TUBGCP4: variants seen among roughly 807,000 people sequenced by gnomAD.
The protein encoded by TUBGCP4 is tubulin gamma complex component 4, also known as gamma-tubulin complex component 4.
A neutral mutation model predicts 91.6 loss-of-function variants in TUBGCP4; 54 were observed. The observed-to-expected ratio is 0.59, with a 90% CI of 0.47 to 0.74. The LOEUF (loss-of-function observed/expected upper bound fraction) is 0.74. Among genes scored for constraint, TUBGCP4 ranks in the 30% least tolerant of loss-of-function variants. The pLI is 0.00. For synonymous variants in TUBGCP4, 297 were observed against 302.8 expected (o/e 0.98, Z 0.20); for missense variants, 593 against 800.9 (o/e 0.74, Z 3.13).
At chr15:43,371,703 T>A (rs1440534764) in intron 1 of TUBGCP4, among the ~76,000 whole-genome samples, 1 of 152,094 alleles carries the variant, frequency 6.6e-6, no homozygotes, top group African/African-American at 2.4e-5. Context: ...TGTCTGACAG[T>A]TGCTGGGGAA....
chr15:43,380,227 C>T (rs1595480463), intron 6 of TUBGCP4, 64 bp downstream of exon 6: 7 of 1,397,166 alleles, frequency 5.0e-6, no homozygotes, highest in Non-Finnish European at 7.1e-6. Context: ...TGACTTCTCA[C>T]ATGTTTTATT....
intron 15 of TUBGCP4, 86 bp downstream of exon 15, chr15:43,401,936 T>C: frequency 6.7e-7 from 1 of 1,503,302 alleles, no homozygotes; most frequent in Non-Finnish European, 9.0e-7. Context: ...TACGAAACCA[T>C]CATTAAGCAA....
chr15:43,408,849 T>G lies in TUBGCP4; in HGVS notation c.*3635T>G, dbSNP rs1375407412. 6.3e-7 allele frequency: 1 copy of G among 1,580,822 alleles called. No homozygotes were observed. The highest frequency in any genetic ancestry group is 1.1e-5 in the South Asian group (1 of 90,288). On this transcript the variant is annotated 3_prime_UTR_variant, in exon 18 of 18. Transcript: ENST00000564079. ...ACCTAGATTCTCTTCCCTCCAAAGC[T>G]TGCTGTCCTCCTGCCTATACAATTC...
At chr15:43,394,502 C>T (rs1260677215) in intron 9 of TUBGCP4, 2 of 152,196 alleles carry the variant, frequency 1.3e-5, no homozygotes, top group Non-Finnish European at 2.9e-5. Flanking sequence ...CTCTGCCTAA[C>T]TCAAGGATAC....
In TUBGCP4 at chr15:43,383,283, T is replaced by C; in HGVS notation, c.522-20T>C. ...GTTTAAAGCATGACTTCTGAGCCTCTTACTTTCTACTCTGCCCAGAATCCT... is the reference window on the plus strand; with the variant it reads ...GTTTAAAGCATGACTTCTGAGCCTCCTACTTTCTACTCTGCCCAGAATCCT... On this transcript the variant is annotated intron_variant, in intron 6 of 17. Transcript: ENST00000564079. The C allele has an allele frequency of 6.2e-7, 1 of 1,605,238 alleles. No homozygotes were observed. Among genetic ancestry groups the C allele is most frequent in the East Asian group, 2.2e-5 (1 of 44,620 alleles).
At chr15:43,389,253 G>T (rs2142831108) in intron 9 of TUBGCP4, among the ~76,000 whole-genome samples, 1 of 152,322 alleles carries the variant, frequency 6.6e-6, no homozygotes, top group South Asian at 2.1e-4. Flanking sequence ...CTTACATAGA[G>T]AAATGGTGGT....
rs1329928902 is a variant in TUBGCP4, at chr15:43,408,500, T to C, written c.*3286T>C. 3.7e-6 allele frequency: 1 copy of C among 270,814 alleles called. No homozygotes were observed. Among genetic ancestry groups the C allele is most frequent in the East Asian group, 8.8e-5 (1 of 11,380 alleles). 16.8% of individuals were successfully genotyped at this position (270,814 alleles called of 1,614,324 possible). ...CATCTTAAAAAACTAAGCCCTATAT[T>C]AGGGTCCCCCTTCTCTTCCTTCTTT... On this transcript the variant is annotated 3_prime_UTR_variant, in exon 18 of 18. Transcript: ENST00000564079.
chr15:43,388,844 AG>A (rs1259352026), intron 9 of TUBGCP4, among the ~76,000 whole-genome samples: 3 of 152,176 alleles, frequency 2.0e-5, no homozygotes, highest in African/African-American at 7.2e-5. Context: ...CTGAAGGAAA[AG>A]GGGGGAGTGT....
At chr15:43,382,976 A>T (rs907003722) in intron 6 of TUBGCP4, among the ~76,000 whole-genome samples, 5 of 152,200 alleles carry the variant, frequency 3.3e-5, no homozygotes, top group South Asian at 2.1e-4. Context: ...GATTTTTAAA[A>T]TTTTTTATTA....
chr15:43,376,248 T>C (rs1217561767), intron 2 of TUBGCP4, 22 bp downstream of exon 2: 2 of 1,612,384 alleles, frequency 1.2e-6, no homozygotes, highest in East Asian at 2.2e-5. Context: ...TCTCTGTGGG[T>C]GTACACCTCT....
At position 43,407,547 on chromosome 15, in the gene TUBGCP4, C is replaced by T. The variant is rs957904490; in HGVS notation, c.*2333C>T. 6.2e-7 allele frequency: 1 copy of T among 1,613,800 alleles called. No homozygotes were observed. Among genetic ancestry groups the T allele is most frequent in the Non-Finnish European group, 8.5e-7 (1 of 1,179,888 alleles). Reference sequence around the variant, plus strand: ...GGGCATGAGGGGTCCGTCACCACCACATCAAATACCCCTAAAGCAATATCT... The same window carrying T: ...GGGCATGAGGGGTCCGTCACCACCATATCAAATACCCCTAAAGCAATATCT... On this transcript the variant is annotated 3_prime_UTR_variant, in exon 18 of 18. Transcript: ENST00000564079.
intron 5 of TUBGCP4, among the ~76,000 whole-genome samples, chr15:43,379,675 T>C (rs1053126739): frequency 1.4e-5 from 2 of 146,608 alleles, no homozygotes; most frequent in South Asian, 2.1e-4. Context: ...CTGAAGAACA[T>C]AGAGGCAGAG....
At chr15:43,385,444 A>G (rs1007243581) in intron 7 of TUBGCP4, 17 of 464,380 alleles carry the variant, frequency 3.7e-5, no homozygotes, top group African/African-American at 9.9e-5. Flanking sequence ...CCTGAGGAGC[A>G]CCAGCAGAGA....
At chr15:43,382,711 G>A (rs961997539) in intron 6 of TUBGCP4, among the ~76,000 whole-genome samples, 11 of 152,130 alleles carry the variant, frequency 7.2e-5, no homozygotes, top group Non-Finnish European at 2.9e-5. Flanking sequence ...TTTTCATCAC[G>A]TCCTGCTCCA....
intron 9 of TUBGCP4, among the ~76,000 whole-genome samples, chr15:43,392,359 T>C (rs1442652099): frequency 6.6e-6 from 1 of 152,178 alleles, no homozygotes; most frequent in Non-Finnish European, 1.5e-5. Flanking sequence ...ATTTTGTTTA[T>C]GATTTTTTAA....
chr15:43,385,460 T>A lies in TUBGCP4; in HGVS notation c.724-331T>A, dbSNP rs75783717. ...CTGAGGAGCACCAGCAGAGAAGACA[T>A]AGAGAGAAGACCTGGAAAACAAAAA... On this transcript the variant is annotated intron_variant, in intron 7 of 17. Coordinates refer to ENST00000564079, the MANE Select transcript of TUBGCP4 (RefSeq NM_014444.5). The A allele has an allele frequency of 3.5e-3, 1,595 of 461,224 alleles. 24 individuals carry two copies. The highest frequency in any genetic ancestry group is 0.029 in the African/African-American group (1,455 of 49,928). The allele number at this position is 461,224 out of a possible 1,614,324, so 28.6% of individuals were successfully genotyped here. A position where few individuals can be genotyped will look rare whatever the true frequency, so the allele number is the denominator to read the frequency against.
chr15:43,396,446 A>G (rs1054035551), intron 11 of TUBGCP4, among the ~76,000 whole-genome samples: 3 of 152,230 alleles, frequency 2.0e-5, no homozygotes, highest in Non-Finnish European at 4.4e-5. Context: ...AAGGATCCAA[A>G]AAAAGAAACT....
intron 7 of TUBGCP4, chr15:43,385,542 T>G (rs2044342572): frequency 1.9e-6 from 1 of 526,914 alleles, no homozygotes. Flanking sequence ...AAGTTTTTAC[T>G]CAGTAGTAAA....
chr15:43,404,083 T>C, intron 16 of TUBGCP4: 1 of 521,386 alleles, frequency 1.9e-6, no homozygotes, highest in Non-Finnish European at 3.4e-6. Flanking sequence ...CCTCCTTACT[T>C]CCTTGAACTA....
Sources: gnomAD v4.1 joint callset for allele counts (sites outside exome capture counted in the v4.1 genomes callset) on GRCh38, gnomAD v4.1.1 for gene constraint, MANE v1.5 for transcripts, NCBI Gene and HGNC (gene_info 2026-07-23, HGNC 2026-07-21) for gene names.